GTPBP1: variants seen among roughly 807,000 people sequenced by gnomAD.
The protein encoded by GTPBP1 is GTP-binding protein 1.
A neutral mutation model predicts 62.0 loss-of-function variants in GTPBP1; 23 were observed. The observed-to-expected ratio is 0.37, with a 90% CI of 0.27 to 0.53. The LOEUF is 0.53. Among genes scored for constraint, GTPBP1 ranks in the 20% least tolerant of loss-of-function variants. The pLI is 0.89. For synonymous variants in GTPBP1, 344 were observed against 364.4 expected (o/e 0.94, Z 0.64); for missense variants, 640 against 917.3 (o/e 0.70, Z 3.90).
At chr22:38,740,453 G>C, downstream of GTPBP1, 1 of 1,461,216 alleles carries the variant, frequency 6.8e-7, no homozygotes, top group Non-Finnish European at 9.1e-7. The surrounding 1 kb of genome is among the most constrained non-coding windows in gnomAD (Gnocchi z 4.8). Context: ...AGAGAGAAGA[G>C]TAAGCCTCGG....
chr22:38,722,241 T>A (rs1005353921), intron 5 of GTPBP1, among the ~76,000 whole-genome samples: 3 of 152,260 alleles, frequency 2.0e-5, no homozygotes, highest in African/African-American at 7.2e-5. Flanking sequence ...TGCCACTTTT[T>A]AAAATAATAT....
chr22:38,740,419 A>G (rs775568593), downstream of GTPBP1: 1 of 1,529,968 alleles, frequency 6.5e-7, no homozygotes, highest in African/African-American at 1.4e-5. This position sits in a 1 kb window ranked among gnomAD's most constrained non-coding sequence, Gnocchi z 4.8. Flanking sequence ...TCCTGGAAGG[A>G]CTCCTGGGTC....
chr22:38,728,095 C>T lies in GTPBP1; in HGVS notation c.1650C>T (p.Tyr550=), dbSNP rs2092736375. Residue 550 remains tyrosine, a synonymous_variant, in exon 10 of 12, where the codon TAC becomes TAT. Coordinates refer to ENST00000216044, the MANE Select transcript of GTPBP1 (RefSeq NM_004286.5). ...TCCGCTTCATCAAGACCCCTGAGTA[C>T]CTGCACATAGACCAGCGGCTGGTGT... ...VHFRFIKTPE[Y]LHIDQRLVFR... is the part of the protein sequence containing the mutation. The T allele has an allele frequency of 1.9e-6, 3 of 1,613,310 alleles. No homozygotes were observed. In the African/African-American group the frequency reaches 4.0e-5, roughly 22 times the overall value.
intron 1 of GTPBP1, among the ~76,000 whole-genome samples, chr22:38,707,776 TA>T (rs1174040992): frequency 2.6e-5 from 4 of 151,928 alleles, no homozygotes; most frequent in African/African-American, 7.3e-5. Flanking sequence ...TCCTTACAAT[TA>T]AAAAAAATCA....
intron 1 of GTPBP1, 52 bp downstream of exon 1, chr22:38,706,199 G>A (rs980283849): frequency 1.0e-5 from 12 of 1,147,466 alleles, no homozygotes; most frequent in Non-Finnish European, 1.3e-5. Flanking sequence ...GGCTGGCCGA[G>A]CAGTCTCCCG....
At chr22:38,742,327 G>A (rs138708), downstream of GTPBP1, 34,610 of 1,605,716 alleles carry the variant, frequency 0.022, 733 homozygotes, top group East Asian at 0.13. Context: ...GTTTCCCTGC[G>A]GAAATCCTCC....
intron 10 of GTPBP1, 66 bp downstream of exon 10, chr22:38,728,227 T>G: frequency 8.6e-7 from 1 of 1,161,988 alleles, no homozygotes; most frequent in Non-Finnish European, 1.3e-6. Context: ...TCTGTGACCC[T>G]GAGTGCAGGG....
chr22:38,726,885 C>T lies in GTPBP1; in HGVS notation c.1402-328C>T, dbSNP rs991266264. Among the ~76,000 whole-genome samples the T allele has an allele frequency of 6.6e-5, 10 of 152,192 alleles. No individual in the cohort carries two copies. The highest frequency in any genetic ancestry group is 6.5e-4 in the Admixed American group (10 of 15,280). ...TAACCAGGAATAGTAGGACTTTCTT[C>T]CCCACAGTGGTCAGGTCATGCCCAC... On this transcript the variant is annotated intron_variant, in intron 8 of 11. Transcript: ENST00000216044. The surrounding 1 kb of genome is among the most constrained non-coding windows in gnomAD (Gnocchi z 4.1).
chr22:38,736,108 C>G (rs758732189), downstream of GTPBP1: 1 of 732,250 alleles, frequency 1.4e-6, no homozygotes, highest in South Asian at 1.5e-5. Flanking sequence ...GAGCCACCTG[C>G]TGCTCAGGAG....
chr22:38,741,656 C>G, downstream of GTPBP1: 1 of 1,297,552 alleles, frequency 7.7e-7, no homozygotes, highest in Non-Finnish European at 1.1e-6. Flanking sequence ...AACTGGAATT[C>G]AAACAAGGTC....
intron 4 of GTPBP1, among the ~76,000 whole-genome samples, chr22:38,720,795 A>G (rs2092696006): frequency 6.6e-6 from 1 of 152,196 alleles, no homozygotes; most frequent in Non-Finnish European, 1.5e-5. Context: ...TGGACACTTC[A>G]TGTGTGTTGT....
downstream of GTPBP1, chr22:38,739,441 C>T: frequency 6.2e-7 from 1 of 1,612,638 alleles, no homozygotes. The surrounding 1 kb of genome is among the most constrained non-coding windows in gnomAD (Gnocchi z 6.7). Context: ...AATGCAGGCA[C>T]CAGGAGACGG....
At chr22:38,741,161 G>A, downstream of GTPBP1, 1 of 1,226,406 alleles carries the variant, frequency 8.2e-7, no homozygotes, top group East Asian at 2.5e-5. Context: ...CCTGCCCAAG[G>A]TCTCTTGACC....
At chr22:38,736,524 A>G, downstream of GTPBP1, 1 of 609,924 alleles carries the variant, frequency 1.6e-6, no homozygotes, top group East Asian at 3.0e-5. Flanking sequence ...CCAGGCTTCA[A>G]AAGCTCCTAT....
chr22:38,725,009 G>A (rs1051471705), intron 6 of GTPBP1, among the ~76,000 whole-genome samples: 2 of 152,202 alleles, frequency 1.3e-5, no homozygotes, highest in Non-Finnish European at 2.9e-5. Flanking sequence ...CTTGGTGAGA[G>A]ATGCTCTCTC....
At chr22:38,720,515 C>T (rs2092694404) in intron 4 of GTPBP1, among the ~76,000 whole-genome samples, 2 of 152,100 alleles carry the variant, frequency 1.3e-5, no homozygotes. Flanking sequence ...TGGGCATGAG[C>T]CACCATGCAT....
At chr22:38,714,393 C>T (rs1028191441) in intron 2 of GTPBP1, among the ~76,000 whole-genome samples, 9 of 149,908 alleles carry the variant, frequency 6.0e-5, no homozygotes, top group Non-Finnish European at 8.8e-5. Context: ...GCAGGAGAAT[C>T]GCTTGAACCT....
chr22:38,719,221 G>A (rs956992172), intron 4 of GTPBP1, among the ~76,000 whole-genome samples: 1 of 152,100 alleles, frequency 6.6e-6, no homozygotes, highest in South Asian at 2.1e-4. Flanking sequence ...TGGCTAGGCT[G>A]GTCTGGAACT....
At chr22:38,740,546 C>T, downstream of GTPBP1, 1 of 1,212,022 alleles carries the variant, frequency 8.3e-7, no homozygotes, top group Non-Finnish European at 1.1e-6. This position sits in a 1 kb window ranked among gnomAD's most constrained non-coding sequence, Gnocchi z 4.8. Context: ...GGGTGCCCAG[C>T]ACTCATTGTG....
Sources: gnomAD v4.1 joint callset for allele counts (sites outside exome capture counted in the v4.1 genomes callset) on GRCh38, gnomAD v4.1.1 for gene constraint, Gnocchi (gnomAD v3.1) non-coding constraint, MANE v1.5 for transcripts, NCBI Gene and HGNC (gene_info 2026-07-23, HGNC 2026-07-21) for gene names.